CLTC: variants seen among roughly 807,000 people sequenced by gnomAD.
The protein encoded by CLTC is clathrin heavy chain.
Under a neutral mutation model 195.8 loss-of-function variants are expected in CLTC, and 16 were observed. The observed-to-expected ratio is 0.08, with a 90% CI of 0.06 to 0.12. The LOEUF is 0.12. Ranked by LOEUF, CLTC falls within the 10% of genes least tolerant of loss-of-function variation. The probability of loss-of-function intolerance (pLI) is 1.00; values close to 1 mark genes in which losing one functional copy is unlikely to be tolerated. For missense variants in CLTC, 796 were observed against 2,027.0 expected, an observed-to-expected ratio of 0.39 and a Z score of 11.66; for synonymous variants, 667 against 689.4, an observed-to-expected ratio of 0.97 and a Z score of 0.51.
chr17:59,636,302 A>G (rs1036077328), intron 1 of CLTC, among the ~76,000 whole-genome samples: 1 of 152,186 alleles, frequency 6.6e-6, no homozygotes, highest in African/African-American at 2.4e-5. Context: ...TCAAGTAAGG[A>G]TGGATACTTT....
intron 1 of CLTC, among the ~76,000 whole-genome samples, chr17:59,637,092 C>CT (rs892940549): frequency 2.0e-5 from 3 of 151,338 alleles, no homozygotes; most frequent in Admixed American, 2.0e-4. Flanking sequence ...AGGACATTTT[C>CT]TTATAATCAT....
rs1363653641 is a variant in CLTC at position 59,666,862 on chromosome 17, G to A, written c.2013G>A (p.Leu671=). The A allele has an allele frequency of 4.3e-6, 7 of 1,613,872 alleles. No individual in the cohort carries two copies. The highest frequency in any genetic ancestry group is 5.9e-6 in the Non-Finnish European group (7 of 1,179,952). The stretch of plus-strand genomic sequence containing the variant: ...CCCTAGAATGTCTCAGAGCCATGCT[G>A]TCTGCCAACATCCGTCAGAATCTGC... ...EDSLECLRAM[L]SANIRQNLQI... The change falls in exon 13 of 32, where the codon CTG becomes CTA. Residue 671 remains leucine, a synonymous_variant. Coordinates refer to ENST00000269122, the MANE Select transcript of CLTC (RefSeq NM_004859.4). The surrounding 1 kb of genome is among the most constrained non-coding windows in gnomAD (Gnocchi z 4.9).
chr17:59,681,194 T>A lies in CLTC; in HGVS notation c.3066-101T>A. 3 of 1,449,062 alleles carry A rather than the reference T, an allele frequency of 2.1e-6. No homozygotes were observed. The highest frequency in any genetic ancestry group is 2.8e-6 in the Non-Finnish European group (3 of 1,065,158). 89.8% of individuals were successfully genotyped at this position (1,449,062 alleles called of 1,614,324 possible). The stretch of plus-strand genomic sequence containing the variant: ...TCTTCTAATATCCTCCCCCCTACCC[T>A]ACCTCTTGAGACAAAAACCTCTCCG... On this transcript the variant is annotated intron_variant, in intron 19 of 31. Coordinates refer to ENST00000269122, the MANE Select transcript of CLTC (RefSeq NM_004859.4). The surrounding 1 kb of genome is among the most constrained non-coding windows in gnomAD (Gnocchi z 5.0).
intron 2 of CLTC, among the ~76,000 whole-genome samples, chr17:59,645,586 C>T (rs1477230648): frequency 4.6e-5 from 7 of 152,140 alleles, no homozygotes; most frequent in Non-Finnish European, 8.8e-5. Context: ...TTCAAGTTCG[C>T]AGTAATTTGT....
At chr17:59,679,160 A>C (rs1167692363) in intron 17 of CLTC, among the ~76,000 whole-genome samples, 2 of 152,212 alleles carry the variant, frequency 1.3e-5, no homozygotes, top group East Asian at 3.9e-4. Context: ...AAGAACAGCT[A>C]GTAAAACACT....
chr17:59,650,385 CT>C (rs1450844057), intron 4 of CLTC, among the ~76,000 whole-genome samples: 3 of 151,460 alleles, frequency 2.0e-5, no homozygotes, highest in South Asian at 2.1e-4. Context: ...AAATTTAAAG[CT>C]AGGAGAAAAG....
chr17:59,689,596 A>G (rs1483831810), intron 30 of CLTC: 1 of 152,236 alleles, frequency 6.6e-6, no homozygotes, highest in Non-Finnish European at 1.5e-5. Flanking sequence ...TTACTTAGGT[A>G]TAATGACAGA....
intron 14 of CLTC, among the ~76,000 whole-genome samples, chr17:59,672,107 A>G (rs1033351880): frequency 6.6e-6 from 1 of 152,290 alleles, no homozygotes; most frequent in Middle Eastern, 3.4e-3. Context: ...TGCTAATATA[A>G]TTTCAAGTTT....
chr17:59,679,420 C>T lies in CLTC; in HGVS notation c.2820C>T (p.Phe940=). 1 of 1,605,544 alleles carries T rather than the reference C, an allele frequency of 6.2e-7. No individual in the cohort carries two copies. The highest frequency in any genetic ancestry group is 8.5e-7 in the Non-Finnish European group (1 of 1,175,504). Residue 940 remains phenylalanine, a synonymous_variant, in exon 18 of 32, where the codon TTC becomes TTT. Coordinates refer to ENST00000269122, the MANE Select transcript of CLTC (RefSeq NM_004859.4). ...LINVCNENSL[F]KSLSRYLVRR... Reference sequence around the variant, plus strand: ...AGGTTTGCAATGAGAATTCCCTCTTCAAAAGTCTTTCTCGCTACCTGGTAC... The same window carrying T: ...AGGTTTGCAATGAGAATTCCCTCTTTAAAAGTCTTTCTCGCTACCTGGTAC...
chr17:59,646,637 A>G (rs964680459), intron 2 of CLTC, among the ~76,000 whole-genome samples: 1 of 152,224 alleles, frequency 6.6e-6, no homozygotes, highest in Admixed American at 6.5e-5. Context: ...ATGGATTTCA[A>G]ACTACAAGTA....
At chr17:59,667,207 G>T (rs2032751611) in intron 13 of CLTC, 2 of 318,296 alleles carry the variant, frequency 6.3e-6, no homozygotes, top group South Asian at 1.8e-4. Flanking sequence ...ATTAAAGGTA[G>T]AATTTTAAGA....
rs1411381430 is a variant in CLTC at position 59,693,802 on chromosome 17, A to G, written c.4978A>G (p.Thr1660Ala). The G allele has an allele frequency of 8.1e-6, 13 of 1,613,444 alleles. No individual in the cohort carries two copies. Among genetic ancestry groups the G allele is most frequent in the Non-Finnish European group, 1.1e-5 (13 of 1,179,782 alleles). ...CCAGGCACCTTTTGGTTATGGTTATACCGCACCACCGTATGGACAGCCACA... is the reference window on the plus strand; with the variant it reads ...CCAGGCACCTTTTGGTTATGGTTATGCCGCACCACCGTATGGACAGCCACA... ...PPQAPFGYGY[T>A]APPYGQPQPG... is the part of the protein sequence containing the mutation. Residue 1660 changes from threonine to alanine, a missense_variant, in exon 32 of 32, where the codon ACC becomes GCC. Around this residue, in one of 9 missense-constraint regions of CLTC, gnomAD observed 148 missense variants for 279.5 expected, o/e 0.53. Coordinates refer to ENST00000269122, the MANE Select transcript of CLTC (RefSeq NM_004859.4).
intron 31 of CLTC, among the ~76,000 whole-genome samples, chr17:59,691,046 G>A (rs892080143): frequency 1.2e-4 from 18 of 152,178 alleles, no homozygotes; most frequent in African/African-American, 4.1e-4. Context: ...AAAGGTGAGA[G>A]AACATGCCAA....
intron 1 of CLTC, among the ~76,000 whole-genome samples, chr17:59,629,662 A>G (rs2031654326): frequency 6.6e-6 from 1 of 151,690 alleles, no homozygotes; most frequent in Admixed American, 6.6e-5. Context: ...CTGGGATTAC[A>G]GGTGCCCGCC....
intron 31 of CLTC, 97 bp from the exon 32 acceptor site, chr17:59,693,631 T>G: frequency 7.3e-7 from 1 of 1,372,492 alleles, no homozygotes; most frequent in Non-Finnish European, 9.7e-7. Context: ...GAGATTATGT[T>G]GCTAGAGTGG....
At chr17:59,635,146 A>G (rs1032504545) in intron 1 of CLTC, among the ~76,000 whole-genome samples, 2 of 151,638 alleles carry the variant, frequency 1.3e-5, no homozygotes, top group African/African-American at 4.9e-5. Context: ...TTGGTAAGAT[A>G]CAAGATTCAT....
rs149772981 is a variant in CLTC, at chr17:59,693,868, C to T, written c.*16C>T. Reference sequence around the variant, plus strand: ...CAGCATGTGAGATGAAGCGCTGATCCTGTAGTCACCTATTTTCGTACTGAA... The same window carrying T: ...CAGCATGTGAGATGAAGCGCTGATCTTGTAGTCACCTATTTTCGTACTGAA... On this transcript the variant is annotated 3_prime_UTR_variant, in exon 32 of 32. Coordinates refer to ENST00000269122, the MANE Select transcript of CLTC (RefSeq NM_004859.4). 225 of 1,595,050 alleles carry T rather than the reference C, an allele frequency of 1.4e-4. 1 individual carries two copies. In the African/African-American group the frequency reaches 2.4e-3, roughly 17 times the overall value.
At chr17:59,650,092 T>C (rs2032292827) in intron 4 of CLTC, among the ~76,000 whole-genome samples, 1 of 152,192 alleles carries the variant, frequency 6.6e-6, no homozygotes, top group Admixed American at 6.5e-5. Context: ...AACATTCATA[T>C]GGTATGTGTC....
In CLTC at chr17:59,663,890, A is replaced by G; in HGVS notation, c.1417A>G (p.Thr473Ala). ...LGDLVKSVDP[T>A]LALSVYLRAN... ...TGATCTTGTGAAATCTGTGGACCCTACATTGGCACTTAGTGTGTACCTAAG... is the reference window on the plus strand; with the variant it reads ...TGATCTTGTGAAATCTGTGGACCCTGCATTGGCACTTAGTGTGTACCTAAG... Residue 473 changes from threonine (T) to alanine (A), a missense_variant, in exon 9 of 32, where the codon ACA becomes GCA. Around this residue, in one of 9 missense-constraint regions of CLTC, gnomAD observed 293 missense variants for 795.6 expected, o/e 0.37. Transcript: ENST00000269122. The G allele has an allele frequency of 1.9e-6, 3 of 1,613,882 alleles. No homozygotes were observed. The highest frequency in any genetic ancestry group is 1.7e-6 in the Non-Finnish European group (2 of 1,179,848).
Sources: allele counts gnomAD v4.1 joint callset (sites outside exome capture counted in the v4.1 genomes callset), GRCh38; gene constraint gnomAD v4.1.1; regional missense constraint gnomAD v4.1.1; non-coding constraint Gnocchi (gnomAD v3.1); transcripts MANE v1.5; gene names NCBI Gene and HGNC (gene_info 2026-07-23, HGNC 2026-07-21).